GRHL2: variants seen among roughly 807,000 people sequenced by gnomAD.
GRHL2 encodes grainyhead like transcription factor 2.
In GRHL2, 21 loss-of-function variants were observed where a neutral mutation model predicts 83.8. The observed-to-expected ratio is 0.25, with a 90% CI of 0.18 to 0.36. The LOEUF (loss-of-function observed/expected upper bound fraction) is 0.36, where lower values mean the gene tolerates loss of function less well. GRHL2 is among the 10% of genes least tolerant of loss of function. The pLI, the probability that GRHL2 is intolerant of heterozygous loss-of-function variation, is 1.00. For synonymous variants in GRHL2, 280 were observed against 278.9 expected (o/e 1.00, Z -0.04); for missense variants, 623 against 781.8 (o/e 0.80, Z 2.42).
At chr8:101,579,638 G>T (rs913779492) in intron 7 of GRHL2, among the ~76,000 whole-genome samples, 4 of 152,138 alleles carry the variant, frequency 2.6e-5, no homozygotes, top group African/African-American at 9.7e-5. Context: ...CATAGAGAGA[G>T]AAAATATGCA....
At position 101,666,798 on chromosome 8, in the gene GRHL2, C is replaced by T. The variant is rs771478473; in HGVS notation, c.*95C>T. On this transcript the variant is annotated 3_prime_UTR_variant, in exon 16 of 16. Transcript: ENST00000646743. ...GCCCCAGAACCTGGAGACCCATCTC[C>T]CCCATCTCACAACTGCTGTTACAAG... 26 of 777,924 alleles carry T rather than the reference C, an allele frequency of 3.3e-5. No homozygotes were observed. The highest frequency in any genetic ancestry group is 5.5e-5 in the Non-Finnish European group (24 of 435,224). 48.2% of individuals were successfully genotyped at this position (777,924 alleles called of 1,614,324 possible).
At chr8:101,597,523 C>G (rs1303167620) in intron 7 of GRHL2, among the ~76,000 whole-genome samples, 1 of 152,136 alleles carries the variant, frequency 6.6e-6, no homozygotes, top group Non-Finnish European at 1.5e-5. Flanking sequence ...AGTTCATGTC[C>G]TTTGTAGGGA....
chr8:101,616,447 A>G (rs1039943102), intron 8 of GRHL2, among the ~76,000 whole-genome samples: 3 of 152,172 alleles, frequency 2.0e-5, no homozygotes, highest in East Asian at 1.9e-4. Context: ...CTGGGATTAC[A>G]GGTGTGAGCC....
intron 7 of GRHL2, among the ~76,000 whole-genome samples, chr8:101,588,124 A>T (rs192718345): frequency 5.3e-5 from 8 of 152,298 alleles, no homozygotes; most frequent in Non-Finnish European, 7.3e-5. Context: ...GTGCTTAATA[A>T]ATGAGAGTCT....
chr8:101,584,636 GC>G (rs1359902160), intron 7 of GRHL2, among the ~76,000 whole-genome samples: 4 of 152,224 alleles, frequency 2.6e-5, no homozygotes, highest in African/African-American at 9.6e-5. Context: ...GAGGAAGCTG[GC>G]TTTGGATGAG....
chr8:101,528,681 C>T (rs573175684), intron 1 of GRHL2: 3 of 217,928 alleles, frequency 1.4e-5, no homozygotes, highest in Admixed American at 5.2e-5. Flanking sequence ...TCCCATAGCG[C>T]GAGGCTCTTT....
Position 101,668,420 on chromosome 8 carries a change from G to T in GRHL2, c.*1717G>T, listed in dbSNP as rs1814128023. The T allele has an allele frequency of 6.5e-6, 1 of 152,756 alleles. No homozygotes were observed. The highest frequency in any genetic ancestry group is 6.5e-5 in the Admixed American group (1 of 15,286). The allele number at this position is 152,756 out of a possible 1,614,324, so 9.5% of individuals were successfully genotyped here. The stretch of plus-strand genomic sequence containing the variant: ...TGGAGGGTCTGCTTCTAGCTCAGCT[G>T]TTTCTCCTTGAGGTTGCGGAGGAAT... On this transcript the variant is annotated 3_prime_UTR_variant, in exon 16 of 16. Coordinates refer to ENST00000646743, the MANE Select transcript of GRHL2 (RefSeq NM_024915.4).
intron 2 of GRHL2, among the ~76,000 whole-genome samples, chr8:101,549,576 C>A (rs368183435): frequency 6.6e-6 from 1 of 152,062 alleles, no homozygotes; most frequent in Non-Finnish European, 1.5e-5. Context: ...GGGGAGAGGG[C>A]GAGGGATGCT....
In GRHL2 at chr8:101,652,489, ATGTGTGTGGTGTG is replaced by A. The variant is rs1563627275; in HGVS notation, c.1698+3010_1698+3022del. Among the ~76,000 whole-genome samples the A allele has an allele frequency of 8.4e-4, 15 of 17,960 alleles. 1 individual carries two copies. Among genetic ancestry groups the A allele is most frequent in the African/African-American group, 2.9e-3 (11 of 3,806 alleles). 11.8% of individuals were successfully genotyped at this position (17,960 alleles called of 152,430 possible). A position where few individuals can be genotyped will look rare whatever the true frequency, so the allele number is the denominator to read the frequency against. The stretch of plus-strand genomic sequence containing the variant: ...TGTGGTGTGTGTGTGGTATGTGTGT[ATGTGTGTGGTGTG>A]TGTGTGTGGTGTGTGTGTGGTGTGT... On this transcript the variant is annotated intron_variant, in intron 14 of 15. Coordinates refer to ENST00000646743, the MANE Select transcript of GRHL2 (RefSeq NM_024915.4).
At chr8:101,510,327 T>A (rs1159862732) in intron 1 of GRHL2, among the ~76,000 whole-genome samples, 1 of 152,200 alleles carries the variant, frequency 6.6e-6, no homozygotes, top group African/African-American at 2.4e-5. Flanking sequence ...ACTAACTCTA[T>A]AAGTATTTGT....
chr8:101,634,028 C>T (rs138046651), intron 11 of GRHL2, among the ~76,000 whole-genome samples: 5 of 152,294 alleles, frequency 3.3e-5, no homozygotes, highest in South Asian at 2.1e-4. Context: ...CTCCTGCCCC[C>T]GGGTGTCATA....
At chr8:101,529,681 G>C (rs147199577) in intron 1 of GRHL2, 261 of 155,184 alleles carry the variant, frequency 1.7e-3, no homozygotes, top group African/African-American at 5.7e-3. Context: ...AACCTTTTTT[G>C]CTCATCTTGG....
rs76573673 is a variant in GRHL2 at position 101,573,240 on chromosome 8, CAA to C, written c.735-412_735-411del. ...AGCTATCTGTAACACCTTGGTTAGA[CAA>C]AAAAAAAAAAAAAAAGGTTAGGTAT... On this transcript the variant is annotated intron_variant, in intron 5 of 15. Transcript: ENST00000646743. Among the ~76,000 whole-genome samples the C allele has an allele frequency of 3.3e-3, 262 of 78,782 alleles. 2 individuals are homozygous for C. The highest frequency in any genetic ancestry group is 8.8e-3 in the African/African-American group (207 of 23,616). The allele number at this position is 78,782 out of a possible 152,430, so 51.7% of individuals were successfully genotyped here.
chr8:101,566,195 G>A (rs1025491739), intron 4 of GRHL2, among the ~76,000 whole-genome samples: 5 of 152,152 alleles, frequency 3.3e-5, no homozygotes, highest in African/African-American at 1.2e-4. Context: ...CTGTCACTTT[G>A]TTAATGTGTT....
At position 101,654,032 on chromosome 8, in the gene GRHL2, G is replaced by T. The variant is rs574409646; in HGVS notation, c.1698+4533G>T. ...TGCGAAGGTAGTTTTAAACCAAGAC[G>T]TGGCCCTACAGACTATTATTTCATA... On this transcript the variant is annotated intron_variant, in intron 14 of 15. Coordinates refer to ENST00000646743, the MANE Select transcript of GRHL2 (RefSeq NM_024915.4). 7.2e-5 allele frequency among the ~76,000 whole-genome samples: 11 copies of T among 152,322 alleles called. No individual in the cohort carries two copies. In the South Asian group the frequency reaches 2.1e-3, roughly 29 times the overall value.
chr8:101,657,623 G>A (rs1383679557), intron 14 of GRHL2, among the ~76,000 whole-genome samples: 4 of 152,060 alleles, frequency 2.6e-5, no homozygotes, highest in Admixed American at 6.6e-5. Flanking sequence ...GGTGGATCAC[G>A]AGGTCAGGAG....
chr8:101,581,699 T>G (rs914922899), intron 7 of GRHL2, among the ~76,000 whole-genome samples: 6 of 152,178 alleles, frequency 3.9e-5, no homozygotes, highest in Admixed American at 2.6e-4. Context: ...CCAGACCCTT[T>G]GTTAGGCACT....
At chr8:101,589,950 C>G (rs886930975) in intron 7 of GRHL2, among the ~76,000 whole-genome samples, 1 of 152,112 alleles carries the variant, frequency 6.6e-6, no homozygotes, top group Non-Finnish European at 1.5e-5. Flanking sequence ...TGGCCCGTTA[C>G]AAACTGACTG....
intron 7 of GRHL2, 102 bp from the exon 8 acceptor site, chr8:101,598,955 A>G (rs1373699550): frequency 2.5e-6 from 2 of 802,588 alleles, no homozygotes; most frequent in Non-Finnish European, 4.3e-6. Context: ...AGCCTGAAAA[A>G]TAAACGAAGT....
Sources: allele counts gnomAD v4.1 joint callset (sites outside exome capture counted in the v4.1 genomes callset), GRCh38; gene constraint gnomAD v4.1.1; transcripts MANE v1.5; gene names NCBI Gene and HGNC (gene_info 2026-07-23, HGNC 2026-07-21).